The following UGCG variants were observed in gnomAD, a reference collection of about 807,000 sequenced individuals.
UGCG encodes the protein UDP-glucose ceramide glucosyltransferase.
Under a neutral mutation model 49.5 loss-of-function variants are expected in UGCG, and 10 were observed. That is an observed-to-expected ratio of 0.20 (90% CI 0.12 to 0.34). The LOEUF (loss-of-function observed/expected upper bound fraction) is 0.34. Among genes scored for constraint, UGCG ranks in the 10% least tolerant of loss-of-function variants. The pLI is 1.00. For missense variants in UGCG, 312 were observed against 483.7 expected (o/e 0.65, Z 3.33); for synonymous variants, 182 against 158.2 (o/e 1.15, Z -1.13).
intron 1 of UGCG, among the ~76,000 whole-genome samples, chr9:111,903,410 C>G (rs1837815041): frequency 6.6e-6 from 1 of 151,284 alleles, no homozygotes; most frequent in South Asian, 2.1e-4. Context: ...ACTAAAAATA[C>G]AAAAATTAGC....
rs558447526 is a variant in UGCG at position 111,933,041 on chromosome 9, A to G, written c.*44A>G. On this transcript the variant is annotated 3_prime_UTR_variant, in exon 9 of 9. Transcript: ENST00000374279. ...ATATAAAGGAAAAAAGAGAAGTATT[A>G]TAAATTATGTTTATATAAATGCTTT... 1.2e-5 allele frequency: 17 copies of G among 1,388,604 alleles called. No homozygotes were observed. The South Asian group carries it at 3.0e-4, about 24-fold the overall frequency. 86.0% of individuals were successfully genotyped at this position (1,388,604 alleles called of 1,614,324 possible).
intron 1 of UGCG, among the ~76,000 whole-genome samples, chr9:111,911,337 A>T (rs1033333804): frequency 6.6e-6 from 1 of 152,176 alleles, no homozygotes; most frequent in African/African-American, 2.4e-5. Context: ...CGGTTCAATT[A>T]TGTATTTTAA....
rs1838480708 is a variant in UGCG, at chr9:111,934,459, A to C, written c.*1462A>C. 1 of 152,160 alleles carries C rather than the reference A, an allele frequency of 6.6e-6. No homozygotes were observed. The highest frequency in any genetic ancestry group is 2.1e-4 in the South Asian group (1 of 4,836). 9.4% of individuals were successfully genotyped at this position (152,160 alleles called of 1,614,324 possible). A position where few individuals can be genotyped will look rare whatever the true frequency, so the allele number is the denominator to read the frequency against. On this transcript the variant is annotated 3_prime_UTR_variant, in exon 9 of 9. Coordinates refer to ENST00000374279, the MANE Select transcript of UGCG (RefSeq NM_003358.3). ...TTCAGGATTGGATGGCATGTTGTCC[A>C]CAGGAATGCCTACTGCAGGGCTAAC...
chr9:111,903,664 T>C (rs1278168059), intron 1 of UGCG, among the ~76,000 whole-genome samples: 1 of 151,568 alleles, frequency 6.6e-6, no homozygotes, highest in Non-Finnish European at 1.5e-5. Context: ...AGTGCGATCA[T>C]GGCTCACCAC....
In UGCG at chr9:111,926,440, G is replaced by A; in HGVS notation, c.502G>A (p.Val168Ile). The A allele has an allele frequency of 2.5e-6, 4 of 1,610,910 alleles. No homozygotes were observed. The highest frequency in any genetic ancestry group is 3.4e-6 in the Non-Finnish European group (4 of 1,177,920). Reference protein sequence around the residue: ...VNQMTEKVGLVHGLPYVADRQ... With the variant: ...VNQMTEKVGLIHGLPYVADRQ... ...TCAAATGACAGAAAAAGTAGGCTTG[G>A]TTCACGGGCTGCCTTACGTAGCAGA... The change falls in exon 5 of 9, where the codon GTT becomes ATT. Residue 168 changes from valine (V) to isoleucine (I), a missense_variant. Val to Ile is a conservative substitution (Grantham distance 29). Transcript: ENST00000374279.
At chr9:111,898,385 A>C (rs75728292) in intron 1 of UGCG, among the ~76,000 whole-genome samples, 1,899 of 150,060 alleles carry the variant, frequency 0.013, 26 homozygotes, top group Non-Finnish European at 0.019. Context: ...AGTTACTTTT[A>C]GTTTTTTGGT....
intron 2 of UGCG, among the ~76,000 whole-genome samples, chr9:111,921,802 A>ATTTTTTTTT (rs71373800): frequency 0.037 from 2,040 of 55,482 alleles, 478 homozygotes; most frequent in East Asian, 0.14. Flanking sequence ...CCCCAGGGTG[A>ATTTTTTTTT]TTTTTTTTTT....
At chr9:111,904,144 A>C (rs897026331) in intron 1 of UGCG, among the ~76,000 whole-genome samples, 1 of 152,156 alleles carries the variant, frequency 6.6e-6, no homozygotes, top group Non-Finnish European at 1.5e-5. Context: ...TTAATTCTCC[A>C]TTTAGCCTAG....
At chr9:111,914,459 C>A in intron 1 of UGCG, 146 bp from the exon 2 acceptor site, 1 of 735,352 alleles carries the variant, frequency 1.4e-6, no homozygotes, top group Non-Finnish European at 2.1e-6. Flanking sequence ...GTTCTACTTC[C>A]CTTCATGTTT....
In UGCG at chr9:111,929,678, G is replaced by T. The variant is rs1156566312; in HGVS notation, c.737G>T (p.Arg246Leu). The change falls in exon 6 of 9, where the codon CGA becomes CTA. Residue 246 changes from arginine to leucine, a missense_variant and splice_region_variant. Physicochemically the swap from Arg to Leu is moderately radical, Grantham distance 102. This residue lies in a region of UGCG where 180 missense variants were observed against 320.4 expected (regional missense o/e 0.56). Transcript: ENST00000374279. ...TTTATGGCCAAAGCGATAGCTGACC[G>T]GTAAGACAACTAAATGAAGCCATAG... ...DYFMAKAIAD[R>L]GWRFAMSTQV... The T allele has an allele frequency of 1.2e-6, 2 of 1,611,748 alleles. No homozygotes were observed. Among genetic ancestry groups the T allele is most frequent in the Non-Finnish European group, 1.7e-6 (2 of 1,179,400 alleles).
chr9:111,906,951 G>A (rs957319638), intron 1 of UGCG, among the ~76,000 whole-genome samples: 10 of 152,300 alleles, frequency 6.6e-5, no homozygotes, highest in African/African-American at 2.4e-4. Context: ...GTGAAGTCAC[G>A]AAGAATTTAT....
intron 1 of UGCG, among the ~76,000 whole-genome samples, chr9:111,907,617 T>A (rs1183264046): frequency 6.9e-6 from 1 of 144,894 alleles, no homozygotes; most frequent in Non-Finnish European, 1.5e-5. Flanking sequence ...GCTCTTCAAT[T>A]CATTTTCTTT....
At chr9:111,926,347 C>G in intron 4 of UGCG, 37 bp from the exon 5 acceptor site, 1 of 1,490,054 alleles carries the variant, frequency 6.7e-7, no homozygotes, top group East Asian at 2.3e-5. Context: ...AACAAATTTT[C>G]TTTTCTCCCC....
chr9:111,915,412 T>G (rs1247801006), intron 2 of UGCG, among the ~76,000 whole-genome samples: 1 of 152,224 alleles, frequency 6.6e-6, no homozygotes, highest in Non-Finnish European at 1.5e-5. Flanking sequence ...TAACTTAATA[T>G]TCTTTGATTT....
At position 111,934,312 on chromosome 9, in the gene UGCG, C is replaced by T. The variant is rs921850523; in HGVS notation, c.*1315C>T. 6.6e-6 allele frequency: 1 copy of T among 151,074 alleles called. No individual in the cohort carries two copies. The highest frequency in any genetic ancestry group is 2.1e-4 in the South Asian group (1 of 4,792). The allele number at this position is 151,074 out of a possible 1,614,324, so 9.4% of individuals were successfully genotyped here. A position where few individuals can be genotyped will look rare whatever the true frequency, so the allele number is the denominator to read the frequency against. ...CGCTAAACTTGCTCGCCAGGTTGTG[C>T]TTAACTTGTGGTGAACTGGACTTGA... On this transcript the variant is annotated 3_prime_UTR_variant, in exon 9 of 9. Coordinates refer to ENST00000374279, the MANE Select transcript of UGCG (RefSeq NM_003358.3).
chr9:111,926,240 C>G (rs1450199888), intron 4 of UGCG, 144 bp from the exon 5 acceptor site: 10 of 507,984 alleles, frequency 2.0e-5, no homozygotes, highest in East Asian at 3.2e-5. Flanking sequence ...GGTTGAGATT[C>G]ATTTTATTAG....
chr9:111,918,638 A>C (rs1838153603), intron 2 of UGCG, among the ~76,000 whole-genome samples: 3 of 152,212 alleles, frequency 2.0e-5, no homozygotes, highest in Admixed American at 2.0e-4. Flanking sequence ...AATCAATAAA[A>C]ATTAAAACTT....
At position 111,932,196 on chromosome 9, in the gene UGCG, T is replaced by C; in HGVS notation, c.851T>C (p.Leu284Pro). The change falls in exon 8 of 9, where the codon CTT (leucine) becomes CCT (proline). Residue 284 changes from leucine to proline, a missense_variant. Leu to Pro is a moderately conservative substitution (Grantham distance 98). Around this residue, in one of 4 missense-constraint regions of UGCG, gnomAD observed 180 missense variants for 320.4 expected, o/e 0.56. Coordinates refer to ENST00000374279, the MANE Select transcript of UGCG (RefSeq NM_003358.3). ...TGGACCAAACTACGAATTAACATGC[T>C]TCCTGCTACAATAATTTGTGAGCCA... The part of the protein sequence containing the change: ...IRWTKLRINM[L>P]PATIICEPIS... 1 of 1,614,154 alleles carries C rather than the reference T, an allele frequency of 6.2e-7. No homozygotes were observed. The highest frequency in any genetic ancestry group is 8.5e-7 in the Non-Finnish European group (1 of 1,180,002).
At chr9:111,907,743 G>A (rs1431421522) in intron 1 of UGCG, among the ~76,000 whole-genome samples, 1 of 151,608 alleles carries the variant, frequency 6.6e-6, no homozygotes, top group Non-Finnish European at 1.5e-5. Flanking sequence ...TCCTGCCTCA[G>A]CCTCCCGAGT....
Sources: allele counts gnomAD v4.1 joint callset (sites outside exome capture counted in the v4.1 genomes callset), GRCh38; gene constraint gnomAD v4.1.1; regional missense constraint gnomAD v4.1.1; transcripts MANE v1.5; gene names NCBI Gene and HGNC (gene_info 2026-07-23, HGNC 2026-07-21).